The following NUTF2 variants were observed in gnomAD, a reference collection of about 807,000 sequenced individuals.
NUTF2 encodes nuclear transport factor 2.
A neutral mutation model predicts 18.5 loss-of-function variants in NUTF2; 3 were observed. The ratio of observed to expected loss-of-function variants is 0.16; its 90% CI spans 0.07 to 0.42. The LOEUF (loss-of-function observed/expected upper bound fraction) is 0.42, where lower values mean the gene tolerates loss of function less well. Ranked by LOEUF, NUTF2 falls within the 10% of genes least tolerant of loss-of-function variation. NUTF2 has a pLI of 0.99. For missense variants in NUTF2, 44 were observed against 160.7 expected (o/e 0.27, Z 3.93); for synonymous variants, 51 against 57.9 (o/e 0.88, Z 0.54).
chr16:67,868,035 A>G (rs1249394768), intron 2 of NUTF2, among the ~76,000 whole-genome samples: 1 of 152,218 alleles, frequency 6.6e-6, no homozygotes, highest in Non-Finnish European at 1.5e-5. Flanking sequence ...ACACAGCAGG[A>G]TGGCTGAGCT....
At position 67,865,313 on chromosome 16, in the gene NUTF2, GC is replaced by G. The variant is rs2057963055; in HGVS notation, c.99+85del. 11 of 974,986 alleles carry G rather than the reference GC, an allele frequency of 1.1e-5. No individual in the cohort carries two copies. The South Asian group carries it at 1.6e-4, about 14-fold the overall frequency. The allele number at this position is 974,986 out of a possible 1,614,324, so 60.4% of individuals were successfully genotyped here. The stretch of plus-strand genomic sequence containing the variant: ...CAGTGTGTCCAGTTCACAAGTTCTG[GC>G]AGCCCTATCTGGACTGGCTACACCT... On this transcript the variant is annotated intron_variant, in intron 2 of 4. Coordinates refer to ENST00000219169, the MANE Select transcript of NUTF2 (RefSeq NM_005796.3).
chr16:67,848,470 C>T (rs546813630), intron 1 of NUTF2, among the ~76,000 whole-genome samples: 46 of 152,284 alleles, frequency 3.0e-4, no homozygotes, highest in Non-Finnish European at 6.0e-4. Flanking sequence ...GTAATCCTAG[C>T]TACTCAGGAG....
intron 4 of NUTF2, 105 bp downstream of exon 4, chr16:67,868,704 C>G (rs892945611): frequency 9.6e-5 from 102 of 1,061,808 alleles, no homozygotes; most frequent in Non-Finnish European, 1.2e-4. Context: ...GACACCCAGA[C>G]AAAGTGACTG....
At chr16:67,868,687 A>G in intron 4 of NUTF2, 88 bp downstream of exon 4, 5 of 1,202,792 alleles carry the variant, frequency 4.2e-6, no homozygotes, top group Non-Finnish European at 6.1e-6. Flanking sequence ...TGACCTGCTT[A>G]TCTAGGGACA....
intron 1 of NUTF2, among the ~76,000 whole-genome samples, chr16:67,850,112 A>G (rs59548058): frequency 6.6e-6 from 1 of 151,748 alleles, no homozygotes; most frequent in African/African-American, 2.4e-5. Flanking sequence ...TTCTTCAGGG[A>G]CAAAAAGATA....
chr16:67,859,852 C>G (rs2057923515), intron 1 of NUTF2, among the ~76,000 whole-genome samples: 1 of 126,552 alleles, frequency 7.9e-6, no homozygotes, highest in African/African-American at 3.1e-5. Flanking sequence ...GTCACCCAGG[C>G]TAGAATGCCG....
At chr16:67,847,198 C>A (rs966041642) in intron 1 of NUTF2, 1 of 152,118 alleles carries the variant, frequency 6.6e-6, no homozygotes, top group South Asian at 2.1e-4. Flanking sequence ...GCACAGAGAG[C>A]CAGCCGGGCG....
chr16:67,851,749 C>T (rs2057859675), intron 1 of NUTF2, among the ~76,000 whole-genome samples: 1 of 152,068 alleles, frequency 6.6e-6, no homozygotes, highest in African/African-American at 2.4e-5. Context: ...GGCGCAGTGG[C>T]TCACGCCTGT....
intron 1 of NUTF2, 107 bp downstream of exon 1, chr16:67,847,092 C>T (rs2057807158): frequency 2.0e-5 from 3 of 150,234 alleles, no homozygotes; most frequent in South Asian, 2.1e-4. Context: ...CTCCCCTCCC[C>T]CCCCCCCGGC....
At chr16:67,865,328 C>G in intron 2 of NUTF2, 99 bp downstream of exon 2, 1 of 775,534 alleles carries the variant, frequency 1.3e-6, no homozygotes, top group Non-Finnish European at 2.2e-6. Flanking sequence ...CCTATCTGGA[C>G]TGGCTACACC....
At chr16:67,851,301 T>C (rs1477426725) in intron 1 of NUTF2, among the ~76,000 whole-genome samples, 2 of 151,702 alleles carry the variant, frequency 1.3e-5, no homozygotes, top group Non-Finnish European at 2.9e-5. Flanking sequence ...GCCAATATAG[T>C]GAAACTCTGT....
chr16:67,852,943 A>G (rs1467345059), intron 1 of NUTF2, among the ~76,000 whole-genome samples: 2 of 152,104 alleles, frequency 1.3e-5, no homozygotes, highest in Non-Finnish European at 2.9e-5. Flanking sequence ...TTGGCCTCCC[A>G]AAGTGCTGGG....
intron 1 of NUTF2, among the ~76,000 whole-genome samples, chr16:67,853,272 G>A (rs2057873160): frequency 6.6e-6 from 1 of 152,102 alleles, no homozygotes; most frequent in African/African-American, 2.4e-5. Flanking sequence ...GGTCACTGCA[G>A]CCTTGACCTC....
chr16:67,850,905 A>G (rs1362777114), intron 1 of NUTF2, among the ~76,000 whole-genome samples: 2 of 151,692 alleles, frequency 1.3e-5, no homozygotes, highest in Admixed American at 6.6e-5. Flanking sequence ...GGTTCAAGCA[A>G]TTCTCCTGCC....
Position 67,855,044 on chromosome 16 carries a change from A to C in NUTF2, c.-30+8059A>C, listed in dbSNP as rs1326848600. ...TTTTTAATTAATGTTTTGATAGGGCATTTGAGAATGATGTTTGTGTGTTTG... is the reference window on the plus strand; with the variant it reads ...TTTTTAATTAATGTTTTGATAGGGCCTTTGAGAATGATGTTTGTGTGTTTG... On this transcript the variant is annotated intron_variant, in intron 1 of 4. Transcript: ENST00000219169. 2.0e-5 allele frequency among the ~76,000 whole-genome samples: 3 copies of C among 151,542 alleles called. No individual in the cohort carries two copies. The East Asian group carries it at 5.8e-4, about 29-fold the overall frequency.
At chr16:67,857,582 C>A (rs2057906262) in intron 1 of NUTF2, among the ~76,000 whole-genome samples, 1 of 152,214 alleles carries the variant, frequency 6.6e-6, no homozygotes, top group East Asian at 1.9e-4. Context: ...GGAACCCATA[C>A]TGACTCCTTA....
At chr16:67,859,547 G>A (rs142486330) in intron 1 of NUTF2, among the ~76,000 whole-genome samples, 1 of 151,972 alleles carries the variant, frequency 6.6e-6, no homozygotes, top group East Asian at 1.9e-4. Context: ...TAGTAGAGAC[G>A]GGATTTCTCT....
chr16:67,847,543 C>G (rs956583328), intron 1 of NUTF2: 1 of 152,438 alleles, frequency 6.6e-6, no homozygotes, highest in Non-Finnish European at 1.5e-5. Flanking sequence ...GTGAACGCCC[C>G]CTCCTTGTCT....
At chr16:67,862,027 A>G (rs889470174) in intron 1 of NUTF2, among the ~76,000 whole-genome samples, 3 of 152,006 alleles carry the variant, frequency 2.0e-5, no homozygotes, top group Non-Finnish European at 2.9e-5. Flanking sequence ...TTGTGTCTGT[A>G]TGTAGCTGGA....
Sources: allele counts gnomAD v4.1 joint callset (sites outside exome capture counted in the v4.1 genomes callset), GRCh38; gene constraint gnomAD v4.1.1; transcripts MANE v1.5; gene names NCBI Gene and HGNC (gene_info 2026-07-23, HGNC 2026-07-21).